The following SMAP1 variants were observed in gnomAD, a reference collection of about 807,000 sequenced individuals.
The protein encoded by SMAP1 is small ArfGAP 1.
Under a neutral mutation model 58.5 loss-of-function variants are expected in SMAP1, and 24 were observed. That is an observed-to-expected ratio of 0.41 (90% confidence interval 0.30 to 0.58). The LOEUF is 0.58. Ranked by LOEUF, SMAP1 falls within the 20% of genes least tolerant of loss-of-function variation. SMAP1 has a pLI of 0.29. For missense variants in SMAP1, 563 were observed against 566.3 expected (o/e 0.99, Z 0.06); for synonymous variants, 216 against 196.6 (o/e 1.10, Z -0.82).
chr6:70,760,864 G>A (rs984338966), intron 3 of SMAP1, among the ~76,000 whole-genome samples: 1 of 152,080 alleles, frequency 6.6e-6, no homozygotes, highest in Non-Finnish European at 1.5e-5. Flanking sequence ...AATTTCTAAT[G>A]TGGGATGTGG....
chr6:70,786,931 C>A (rs965337801), intron 4 of SMAP1, among the ~76,000 whole-genome samples: 84 of 152,210 alleles, frequency 5.5e-4, no homozygotes, highest in African/African-American at 2.0e-3. Flanking sequence ...ACTTTCTTCA[C>A]AGAATTGGAA....
intron 7 of SMAP1, 108 bp downstream of exon 7, chr6:70,837,136 A>T: frequency 1.4e-6 from 1 of 716,252 alleles, no homozygotes; most frequent in Non-Finnish European, 2.1e-6. Context: ...CGTACCTGTT[A>T]ACTGAATTTG....
At chr6:70,853,972 C>T (rs1221947513) in intron 8 of SMAP1, among the ~76,000 whole-genome samples, 1 of 152,202 alleles carries the variant, frequency 6.6e-6, no homozygotes, top group Non-Finnish European at 1.5e-5. Flanking sequence ...TGCTTTGCAA[C>T]TGCTTAAGAG....
chr6:70,725,898 C>T (rs1768763267), intron 1 of SMAP1, among the ~76,000 whole-genome samples: 1 of 152,166 alleles, frequency 6.6e-6, no homozygotes, highest in South Asian at 2.1e-4. Context: ...CATCTCTAAA[C>T]CTATATCATT....
intron 1 of SMAP1, among the ~76,000 whole-genome samples, chr6:70,705,342 C>T (rs1767796978): frequency 6.6e-6 from 1 of 151,694 alleles, no homozygotes; most frequent in Non-Finnish European, 1.5e-5. Context: ...GCTTCCACCT[C>T]CTGGGTTCAA....
chr6:70,823,313 G>A (rs1024724339), intron 6 of SMAP1, among the ~76,000 whole-genome samples: 1 of 152,148 alleles, frequency 6.6e-6, no homozygotes, highest in African/African-American at 2.4e-5. Flanking sequence ...GTCCTTTAAT[G>A]AGCCTGTGCC....
chr6:70,672,567 G>T lies in SMAP1; in HGVS notation c.118+4426G>T, dbSNP rs186564632. Among the ~76,000 whole-genome samples the T allele has an allele frequency of 2.1e-3, 326 of 152,304 alleles. 4 individuals carry two copies. The highest frequency in any genetic ancestry group is 0.018 in the Admixed American group (271 of 15,296). On this transcript the variant is annotated intron_variant, in intron 1 of 10. Coordinates refer to ENST00000370455, the MANE Select transcript of SMAP1 (RefSeq NM_001044305.3). ...TAATTATGGGGTACACTGTATCCCT[G>T]CTGGATTATAGCTGTAAGAGAGGAG...
At chr6:70,690,983 G>GT (rs1040254159) in intron 1 of SMAP1, among the ~76,000 whole-genome samples, 4 of 151,416 alleles carry the variant, frequency 2.6e-5, no homozygotes, top group African/African-American at 7.3e-5. Context: ...GTTTTTGTTT[G>GT]TTTTTTGCTG....
At chr6:70,752,348 G>T (rs1476460101) in intron 2 of SMAP1, among the ~76,000 whole-genome samples, 3 of 152,168 alleles carry the variant, frequency 2.0e-5, no homozygotes, top group Non-Finnish European at 4.4e-5. Context: ...ATTGATGGGT[G>T]ATGTTGGTTC....
At position 70,667,905 on chromosome 6, in the gene SMAP1, C is replaced by T; in HGVS notation, c.-119C>T. 1 of 763,616 alleles carries T rather than the reference C, an allele frequency of 1.3e-6. No individual in the cohort carries two copies. The highest frequency in any genetic ancestry group is 2.0e-6 in the Non-Finnish European group (1 of 509,122). The allele number at this position is 763,616 out of a possible 1,614,324, so 47.3% of individuals were successfully genotyped here. On this transcript the variant is annotated 5_prime_UTR_variant, in exon 1 of 11. Coordinates refer to ENST00000370455, the MANE Select transcript of SMAP1 (RefSeq NM_001044305.3). ...CTCCTCCCGTTCCAGCTGCCGCTGCCGCTTCCTGGGCTGAGTCCGCCCGCG... is the reference window on the plus strand; with the variant it reads ...CTCCTCCCGTTCCAGCTGCCGCTGCTGCTTCCTGGGCTGAGTCCGCCCGCG...
At chr6:70,856,617 A>G (rs991036528) in intron 8 of SMAP1, 5 of 320,190 alleles carry the variant, frequency 1.6e-5, no homozygotes, top group Non-Finnish European at 2.3e-5. Flanking sequence ...AGTAAATGCA[A>G]CTTACTGTGA....
chr6:70,727,727 A>G (rs1412244974), intron 1 of SMAP1, among the ~76,000 whole-genome samples: 1 of 152,132 alleles, frequency 6.6e-6, no homozygotes, highest in Admixed American at 6.5e-5. Flanking sequence ...GGATTGCTAA[A>G]TCTATTGTGT....
intron 10 of SMAP1, chr6:70,859,264 A>G: frequency 8.5e-7 from 1 of 1,172,158 alleles, no homozygotes; most frequent in Non-Finnish European, 1.2e-6. Context: ...ATGCTGAAGC[A>G]CACCCAGCTC....
At chr6:70,841,379 C>T (rs1173451627) in intron 7 of SMAP1, among the ~76,000 whole-genome samples, 4 of 152,116 alleles carry the variant, frequency 2.6e-5, no homozygotes, top group East Asian at 1.9e-4. Flanking sequence ...TTGTATGTGT[C>T]GGGTGCACTG....
At chr6:70,755,413 A>G (rs1766446887) in intron 3 of SMAP1, among the ~76,000 whole-genome samples, 1 of 152,056 alleles carries the variant, frequency 6.6e-6, no homozygotes, top group South Asian at 2.1e-4. Flanking sequence ...TAGTGTAACC[A>G]TTCTGTTTTC....
intron 6 of SMAP1, among the ~76,000 whole-genome samples, chr6:70,812,960 T>C (rs1769454734): frequency 6.7e-6 from 1 of 149,694 alleles, no homozygotes; most frequent in South Asian, 2.1e-4. Flanking sequence ...GCCTCATTTC[T>C]TTTTTTTTAG....
chr6:70,668,528 C>T lies in SMAP1; in HGVS notation c.118+387C>T, dbSNP rs545323689. ...GTTGCCCTCCTAGCTCTGCTCATAG[C>T]TATCTCTGTGGGTGGGGCCGCGCTT... On this transcript the variant is annotated intron_variant, in intron 1 of 10. Transcript: ENST00000370455. The T allele has an allele frequency of 1.7e-4, 263 of 1,519,404 alleles. No individual in the cohort carries two copies. The South Asian group carries it at 3.1e-3, about 18-fold the overall frequency. The allele number at this position is 1,519,404 out of a possible 1,614,324, so 94.1% of individuals were successfully genotyped here. A position where few individuals can be genotyped will look rare whatever the true frequency, so the allele number is the denominator to read the frequency against.
chr6:70,790,329 A>G (rs1000657819), intron 4 of SMAP1, among the ~76,000 whole-genome samples: 1 of 151,956 alleles, frequency 6.6e-6, no homozygotes, highest in African/African-American at 2.4e-5. Context: ...TTTAGTAGAG[A>G]CGGTTCCCCA....
At chr6:70,747,635 A>T (rs1766100397) in intron 2 of SMAP1, among the ~76,000 whole-genome samples, 1 of 152,184 alleles carries the variant, frequency 6.6e-6, no homozygotes, top group African/African-American at 2.4e-5. Flanking sequence ...AGAAGAGGGG[A>T]GAGTCCAGGA....
Sources: allele counts gnomAD v4.1 joint callset (sites outside exome capture counted in the v4.1 genomes callset), GRCh38; gene constraint gnomAD v4.1.1; transcripts MANE v1.5; gene names NCBI Gene and HGNC (gene_info 2026-07-23, HGNC 2026-07-21).